The following TFAP4 variants were observed in gnomAD, a reference collection of about 807,000 sequenced individuals.
TFAP4 encodes activating enhancer-binding protein 4.
TFAP4 carries 7 observed loss-of-function variants against 40.4 expected under a neutral mutation model. That is an observed-to-expected ratio of 0.17 (90% CI 0.10 to 0.33). The LOEUF is 0.33. TFAP4 is among the 10% of genes least tolerant of loss of function. The probability of loss-of-function intolerance (pLI) is 1.00; values close to 1 mark genes in which losing one functional copy is unlikely to be tolerated. For synonymous variants in TFAP4, 218 were observed against 181.4 expected, an observed-to-expected ratio of 1.20 and a Z score of -1.62; for missense variants, 374 against 451.1, an observed-to-expected ratio of 0.83 and a Z score of 1.55.
intron 1 of TFAP4, 112 bp from the exon 2 acceptor site, chr16:4,262,813 C>T: frequency 1.6e-6 from 2 of 1,254,828 alleles, no homozygotes; most frequent in South Asian, 2.7e-5. Flanking sequence ...TGCCAGGCCA[C>T]CCCCAGAGAG....
chr16:4,272,714 C>A lies in TFAP4; in HGVS notation c.33G>T (p.Val11=), dbSNP rs1295123489. Residue 11 remains valine, a synonymous_variant, in exon 1 of 7, where the codon GTG becomes GTT. Coordinates refer to ENST00000204517, the MANE Select transcript of TFAP4 (RefSeq NM_003223.3). MEYFMVPTQK[V]PSLQHFRKTE... The stretch of plus-strand genomic sequence containing the variant: ...TTTTCCTGAAATGTTGCAAAGAGGG[C>A]ACCTTCTGAGTGGGCACCATGAAAT... 6.2e-7 allele frequency: 1 copy of A among 1,613,536 alleles called. No individual in the cohort carries two copies. Among genetic ancestry groups the A allele is most frequent in the Admixed American group, 1.7e-5 (1 of 60,002 alleles).
At position 4,272,954 on chromosome 16, in the gene TFAP4, A is replaced by ATGTGTGTGTGTGTG. The variant is rs71139626; in HGVS notation, c.-222_-209dup. 5.0e-4 allele frequency: 78 copies of ATGTGTGTGTGTGTG among 156,256 alleles called. 1 individual carries two copies. The highest frequency in any genetic ancestry group is 2.5e-3 in the Middle Eastern group (1 of 398). The allele number at this position is 156,256 out of a possible 1,614,324, so 9.7% of individuals were successfully genotyped here. A position where few individuals can be genotyped will look rare whatever the true frequency, so the allele number is the denominator to read the frequency against. ...CCGGCCTGCCTCCCCGGGCGTGTGTATGTGTGTGTGTGTGTGTGTGTGTGT... is the reference window on the plus strand; with the variant it reads ...CCGGCCTGCCTCCCCGGGCGTGTGTATGTGTGTGTGTGTGTGTGTGTGTGTGTGTGTGTGTGTGT... On this transcript the variant is annotated 5_prime_UTR_variant, in exon 1 of 7. Coordinates refer to ENST00000204517, the MANE Select transcript of TFAP4 (RefSeq NM_003223.3).
At chr16:4,272,208 T>C (rs934268816) in intron 1 of TFAP4, among the ~76,000 whole-genome samples, 1 of 150,694 alleles carries the variant, frequency 6.6e-6, no homozygotes, top group Non-Finnish European at 1.5e-5. Flanking sequence ...CATGGCTGCA[T>C]TGTAGCCGCC....
intron 6 of TFAP4, among the ~76,000 whole-genome samples, chr16:4,259,274 C>T (rs1027101196): frequency 2.2e-4 from 33 of 151,778 alleles, no homozygotes; most frequent in Non-Finnish European, 4.3e-4. Context: ...GCTGGGATTA[C>T]AGGCGTGCAC....
intron 5 of TFAP4, 104 bp downstream of exon 5, chr16:4,260,351 T>A (rs550042422): frequency 1.3e-6 from 2 of 1,504,228 alleles, no homozygotes; most frequent in Admixed American, 2.3e-5. Flanking sequence ...CCCCTTTATA[T>A]TAAGAAGCAG....
chr16:4,268,869 C>A (rs553199641), intron 1 of TFAP4, among the ~76,000 whole-genome samples: 12 of 151,860 alleles, frequency 7.9e-5, no homozygotes, highest in African/African-American at 2.9e-4. Flanking sequence ...GCTAGGGTTA[C>A]AAGAGTGAGC....
intron 6 of TFAP4, chr16:4,258,700 G>C (rs567316908): frequency 6.5e-6 from 1 of 154,808 alleles, no homozygotes; most frequent in East Asian, 1.9e-4. Flanking sequence ...ACAGGCATAA[G>C]CCACCACGCC....
chr16:4,261,939 C>T lies in TFAP4; in HGVS notation c.365G>A (p.Gly122Asp). The T allele has an allele frequency of 4.4e-6, 7 of 1,606,854 alleles. No individual in the cohort carries two copies. The highest frequency in any genetic ancestry group is 5.9e-6 in the Non-Finnish European group (7 of 1,177,364). The change falls in exon 4 of 7, where the codon GGC becomes GAC. Residue 122 changes from glycine to aspartate, a missense_variant. Gly to Asp is a moderately conservative substitution (Grantham distance 94). This residue lies in a region of TFAP4 where 51 missense variants were observed against 91.1 expected (regional missense o/e 0.56). Coordinates refer to ENST00000204517, the MANE Select transcript of TFAP4 (RefSeq NM_003223.3). The part of the protein sequence containing the change: ...QLKRFIQELS[G>D]SSPKRRRAED... The stretch of plus-strand genomic sequence containing the variant: ...TGCCCGCCGTCGCTTGGGGGACGAG[C>T]CGCTCAGCTCCTGGGGACCCCAAGG...
chr16:4,260,745 GC>G, intron 4 of TFAP4, 150 bp from the exon 5 acceptor site: 1 of 878,776 alleles, frequency 1.1e-6, no homozygotes, highest in Non-Finnish European at 1.6e-6. Flanking sequence ...GAGCCCTTCA[GC>G]CCCCGGCTCC....
intron 6 of TFAP4, 120 bp from the exon 7 acceptor site, chr16:4,258,369 G>C: frequency 3.0e-6 from 3 of 1,008,836 alleles, no homozygotes. Flanking sequence ...AAAAAGCCTG[G>C]CAAAGCAGCA....
intron 5 of TFAP4, 22 bp downstream of exon 5, chr16:4,260,432 AC>A (rs1238235189): frequency 6.4e-7 from 1 of 1,555,778 alleles, no homozygotes; most frequent in African/African-American, 1.4e-5. Flanking sequence ...CCCAGAGCCC[AC>A]TCCCGGGCGC....
chr16:4,260,224 T>TGGGGGGGTGGGGGGGGGGGTGGGGGGG lies in TFAP4; in HGVS notation c.687_688insCCCCCCCACCCCCCCCCCCACCCCCCC (p.Pro229_Thr230insProProHisProProProHisProPro). 1 of 223,764 alleles carries TGGGGGGGTGGGGGGGGGGGTGGGGGGG rather than the reference T, an allele frequency of 4.5e-6. No individual in the cohort carries two copies. Among genetic ancestry groups the TGGGGGGGTGGGGGGGGGGGTGGGGGGG allele is most frequent in the Non-Finnish European group, 7.9e-6 (1 of 126,040 alleles). 13.9% of individuals were successfully genotyped at this position (223,764 alleles called of 1,614,324 possible). The stretch of plus-strand genomic sequence containing the variant: ...GGCACGATCACCGTGGGGTGGTGGG[T>TGGGGGGGTGGGGGGGGGGGTGGGGGGG]GGGGGCCGGAGGGGGCAGAAGCTGC... On this transcript the variant is annotated inframe_insertion, in exon 6 of 7. Transcript: ENST00000204517.
chr16:4,260,682 GA>G, intron 4 of TFAP4, 87 bp from the exon 5 acceptor site: 1 of 1,449,986 alleles, frequency 6.9e-7, no homozygotes, highest in Non-Finnish European at 9.1e-7. Flanking sequence ...CACTCCTGCT[GA>G]AAACCCTAGC....
chr16:4,260,920 C>G (rs746085473), intron 4 of TFAP4, among the ~76,000 whole-genome samples: 9 of 152,342 alleles, frequency 5.9e-5, no homozygotes, highest in Non-Finnish European at 1.3e-4. Flanking sequence ...TTGAAAAACC[C>G]CTCCTGATGC....
chr16:4,258,355 C>A, intron 6 of TFAP4, 106 bp from the exon 7 acceptor site: 1 of 1,143,732 alleles, frequency 8.7e-7, no homozygotes, highest in East Asian at 2.6e-5. Context: ...ACACATAGCC[C>A]AGAAAAAAGC....
At position 4,261,940 on chromosome 16, in the gene TFAP4, C is replaced by A; in HGVS notation, c.364G>T (p.Gly122Cys). ...GCCCGCCGTCGCTTGGGGGACGAGCCGCTCAGCTCCTGGGGACCCCAAGGA... is the reference window on the plus strand; with the variant it reads ...GCCCGCCGTCGCTTGGGGGACGAGCAGCTCAGCTCCTGGGGACCCCAAGGA... Reference protein sequence around the residue: ...QLKRFIQELSGSSPKRRRAED... With the variant: ...QLKRFIQELSCSSPKRRRAED... The change falls in exon 4 of 7, where the codon GGC (glycine) becomes TGC (cysteine). Residue 122 changes from glycine (G) to cysteine (C), a missense_variant. By Grantham distance (159) the Gly-to-Cys change is radical (BLOSUM62 -3). Around this residue, in one of 6 missense-constraint regions of TFAP4, gnomAD observed 51 missense variants for 91.1 expected, o/e 0.56. Transcript: ENST00000204517. 1.2e-6 allele frequency: 2 copies of A among 1,607,124 alleles called. No individual in the cohort carries two copies. Among genetic ancestry groups the A allele is most frequent in the Non-Finnish European group, 1.7e-6 (2 of 1,177,476 alleles).
chr16:4,271,121 T>C (rs548819303), intron 1 of TFAP4, among the ~76,000 whole-genome samples: 5 of 152,258 alleles, frequency 3.3e-5, no homozygotes, highest in African/African-American at 7.2e-5. Context: ...GGGGCATCCC[T>C]GCCAGCTGCC....
At chr16:4,266,865 G>A (rs1334209247) in intron 1 of TFAP4, 1 of 152,262 alleles carries the variant, frequency 6.6e-6, no homozygotes, top group Non-Finnish European at 1.5e-5. Context: ...CAACACCGAG[G>A]TTCTCTTTTT....
chr16:4,257,839 A>C lies in TFAP4; in HGVS notation c.*216T>G. The C allele has an allele frequency of 1.1e-5, 5 of 465,308 alleles. No individual in the cohort carries two copies. Among genetic ancestry groups the C allele is most frequent in the East Asian group, 3.7e-5 (1 of 26,946 alleles). The allele number at this position is 465,308 out of a possible 1,614,324, so 28.8% of individuals were successfully genotyped here. A position where few individuals can be genotyped will look rare whatever the true frequency, so the allele number is the denominator to read the frequency against. ...GCCGAGGCCCCGCCCTGGGGTGCCGATGCTCCCACACGCTCTGCGACACCC... is the reference window on the plus strand; with the variant it reads ...GCCGAGGCCCCGCCCTGGGGTGCCGCTGCTCCCACACGCTCTGCGACACCC... On this transcript the variant is annotated 3_prime_UTR_variant, in exon 7 of 7. Transcript: ENST00000204517.
Sources: gnomAD v4.1 joint callset for allele counts (sites outside exome capture counted in the v4.1 genomes callset) on GRCh38, gnomAD v4.1.1 for gene constraint, gnomAD v4.1.1 regional missense constraint, MANE v1.5 for transcripts, NCBI Gene and HGNC (gene_info 2026-07-23, HGNC 2026-07-21) for gene names.